The following TSEN2 variants were observed in gnomAD, a reference collection of about 807,000 sequenced individuals.
The protein encoded by TSEN2 is tRNA-splicing endonuclease subunit Sen2.
Under a neutral mutation model 59.2 loss-of-function variants are expected in TSEN2, and 54 were observed. The observed-to-expected ratio is 0.91, with a 90% confidence interval of 0.73 to 1.14. The LOEUF is 1.14. TSEN2 is among the 50% of genes most tolerant of loss of function. The pLI is 0.00. For synonymous variants in TSEN2, 195 were observed against 198.2 expected (o/e 0.98, Z 0.14); for missense variants, 636 against 576.2 (o/e 1.10, Z -1.06).
intron 6 of TSEN2, among the ~76,000 whole-genome samples, chr3:12,512,350 A>G (rs1284394044): frequency 6.6e-6 from 1 of 152,250 alleles, no homozygotes; most frequent in Non-Finnish European, 1.5e-5. Context: ...TAGCACTCAC[A>G]TGAAAAAACA....
Position 12,492,180 on chromosome 3 carries a change from C to G in TSEN2, c.234C>G (p.Phe78Leu), listed in dbSNP as rs771345194. 3 of 1,614,046 alleles carry G rather than the reference C, an allele frequency of 1.9e-6. No individual in the cohort carries two copies. The highest frequency in any genetic ancestry group is 2.5e-6 in the Non-Finnish European group (3 of 1,180,024). ...TTCTTTCAAGAAGCCGTCCAAGCTT[C>G]ACAATTTCAGATCCTAAACTGGTTG... ...KGILSRSRPS[F>L]TISDPKLVAK... is the part of the protein sequence containing the mutation. Residue 78 changes from phenylalanine (F) to leucine (L), a missense_variant, in exon 3 of 12, where the codon TTC becomes TTG. Coordinates refer to ENST00000284995, the MANE Select transcript of TSEN2 (RefSeq NM_025265.4).
chr3:12,511,295 CAT>C (rs1194435399), intron 6 of TSEN2: 4 of 151,790 alleles, frequency 2.6e-5, no homozygotes, highest in Non-Finnish European at 5.9e-5. Context: ...GTTAATAAAA[CAT>C]AAAGTAACAA....
At position 12,489,775 on chromosome 3, in the gene TSEN2, T is replaced by C. The variant is rs1484766149; in HGVS notation, c.-17-9T>C. The C allele has an allele frequency of 1.2e-6, 2 of 1,608,754 alleles. No individual in the cohort carries two copies. The highest frequency in any genetic ancestry group is 1.3e-5 in the African/African-American group (1 of 74,958). ...CTGTTTCTTTCTGTTTGTTGTCTAC[T>C]CTTTAAAGAATACCTCCTCTGAAAA... On this transcript the variant is annotated splice_polypyrimidine_tract_variant and intron_variant, in intron 1 of 11. Transcript: ENST00000284995.
In TSEN2 at chr3:12,523,281, C is replaced by T. The variant is rs138496219; in HGVS notation, c.1099+4084C>T. On this transcript the variant is annotated intron_variant, in intron 8 of 11. Coordinates refer to ENST00000284995, the MANE Select transcript of TSEN2 (RefSeq NM_025265.4). The stretch of plus-strand genomic sequence containing the variant: ...CCAGCCAACCCTAGTTAGGGATTTG[C>T]ATTGACTGATAAGTATGATTTCTGA... Among the ~76,000 whole-genome samples, 53 of 152,266 alleles carry T rather than the reference C, an allele frequency of 3.5e-4. No individual in the cohort carries two copies. In the East Asian group the frequency reaches 5.4e-3, roughly 16 times the overall value.
In TSEN2 at chr3:12,519,108, C is replaced by G. The variant is rs1405881218; in HGVS notation, c.1010C>G (p.Pro337Arg). 1.2e-6 allele frequency: 2 copies of G among 1,614,136 alleles called. No individual in the cohort carries two copies. The highest frequency in any genetic ancestry group is 1.3e-5 in the African/African-American group (1 of 75,018). Reference protein sequence around the residue: ...KLWKAFTVVQPTFRTTYMAYH... With the variant: ...KLWKAFTVVQRTFRTTYMAYH... ...TGGAAAGCTTTCACTGTAGTTCAGC[C>G]CACGTTCAGAACCACCTACATGGCC... The change falls in exon 8 of 12, where the codon CCC (proline) becomes CGC (arginine). Residue 337 changes from proline (P) to arginine (R), a missense_variant. By Grantham distance (103) the Pro-to-Arg change is moderately radical. Coordinates refer to ENST00000284995, the MANE Select transcript of TSEN2 (RefSeq NM_025265.4).
chr3:12,492,212 G>A lies in TSEN2; in HGVS notation c.266G>A (p.Trp89Ter). The A allele has an allele frequency of 1.9e-6, 3 of 1,613,200 alleles. No homozygotes were observed. The African/African-American group carries it at 4.0e-5, about 22-fold the overall frequency. ...TCAGATCCTAAACTGGTTGCTAAAT[G>A]GAAAGGTAAAGTTGTTGTATCATTC... ...TISDPKLVAK[W>*]KDMKTNMPII... is the part of the protein sequence containing the mutation. The change falls in exon 3 of 12, where the codon TGG becomes TAG. Residue 89 changes from tryptophan (W) to a stop codon, truncating the protein, a stop_gained. Transcript: ENST00000284995. LOFTEE classifies it high-confidence loss of function.
rs1257911487 is a variant in TSEN2 at position 12,533,008 on chromosome 3, C to G, written c.*287C>G. ...TCATCCACTCACTGGGGAGATTGGA[C>G]TAGAGGAGTCCTGAGAGGACACTTC... is the stretch of plus-strand genomic sequence containing the variant. On this transcript the variant is annotated 3_prime_UTR_variant, in exon 12 of 12. Coordinates refer to ENST00000284995, the MANE Select transcript of TSEN2 (RefSeq NM_025265.4). 5 of 522,780 alleles carry G rather than the reference C, an allele frequency of 9.6e-6. No homozygotes were observed. The highest frequency in any genetic ancestry group is 9.6e-5 in the African/African-American group (5 of 52,314). The allele number at this position is 522,780 out of a possible 1,614,324, so 32.4% of individuals were successfully genotyped here.
intron 3 of TSEN2, among the ~76,000 whole-genome samples, chr3:12,493,812 G>A (rs1575242684): frequency 6.6e-6 from 1 of 152,116 alleles, no homozygotes; most frequent in East Asian, 1.9e-4. Flanking sequence ...GTATTAAATG[G>A]TAAAAGTTTT....
intron 3 of TSEN2, among the ~76,000 whole-genome samples, chr3:12,493,396 G>T (rs1320710037): frequency 6.6e-6 from 1 of 152,078 alleles, no homozygotes; most frequent in Non-Finnish European, 1.5e-5. Flanking sequence ...TGCACCAAAG[G>T]TTCCAATTTC....
chr3:12,492,288 A>C, intron 3 of TSEN2, 71 bp downstream of exon 3: 1 of 1,330,630 alleles, frequency 7.5e-7, no homozygotes, highest in Non-Finnish European at 1.1e-6. Context: ...CTTATATCTC[A>C]GGCTATATAG....
chr3:12,532,624 C>T (rs2057534760), intron 11 of TSEN2, 38 bp from the exon 12 acceptor site: 3 of 1,610,324 alleles, frequency 1.9e-6, no homozygotes, highest in Non-Finnish European at 2.5e-6. Context: ...TCTTACATTT[C>T]TGTTTTAAGA....
upstream of TSEN2, among the ~76,000 whole-genome samples, chr3:12,483,000 C>A (rs2052240531): frequency 6.6e-6 from 1 of 152,204 alleles, no homozygotes; most frequent in Non-Finnish European, 1.5e-5. Context: ...CCTAGCCTAG[C>A]AGTGAAGGTC....
intron 3 of TSEN2, 73 bp downstream of exon 3, chr3:12,492,290 G>A (rs766927778): frequency 8.9e-5 from 118 of 1,327,960 alleles, no homozygotes; most frequent in Non-Finnish European, 1.2e-4. Flanking sequence ...TATATCTCAG[G>A]CTATATAGTA....
upstream of TSEN2, among the ~76,000 whole-genome samples, chr3:12,480,969 T>C (rs1054564240): frequency 9.2e-5 from 14 of 152,300 alleles, no homozygotes; most frequent in African/African-American, 3.4e-4. Context: ...GCGGTAACCT[T>C]GGCTGCAGAA....
chr3:12,495,176 A>C (rs2053628167), intron 3 of TSEN2, among the ~76,000 whole-genome samples: 1 of 149,294 alleles, frequency 6.7e-6, no homozygotes, highest in Admixed American at 6.7e-5. Flanking sequence ...GATTTTTTTA[A>C]ACATAGAAAT....
intron 3 of TSEN2, among the ~76,000 whole-genome samples, chr3:12,493,002 A>T (rs771285175): frequency 1.1e-4 from 17 of 152,182 alleles, no homozygotes; most frequent in Non-Finnish European, 1.5e-4. Flanking sequence ...CCTATTATAG[A>T]TATTTCATAT....
At position 12,529,821 on chromosome 3, in the gene TSEN2, T is replaced by C. The variant is rs2057345317; in HGVS notation, c.1196T>C (p.Leu399Pro). Reference sequence around the variant, plus strand: ...TTTGAAGGCTCTCTCCGCAGGCCTCTCAGTTGGAAGTCCCTGGCTGCCTTG... The same window carrying C: ...TTTGAAGGCTCTCTCCGCAGGCCTCCCAGTTGGAAGTCCCTGGCTGCCTTG... Reference protein sequence around the residue: ...DHFEGSLRRPLSWKSLAALSR... With the variant: ...DHFEGSLRRPPSWKSLAALSR... Residue 399 changes from leucine (L) to proline (P), a missense_variant, in exon 10 of 12, where the codon CTC (leucine) becomes CCC (proline). Transcript: ENST00000284995. 6.2e-7 allele frequency: 1 copy of C among 1,614,208 alleles called. No homozygotes were observed. Among genetic ancestry groups the C allele is most frequent in the Non-Finnish European group, 8.5e-7 (1 of 1,180,032 alleles).
chr3:12,509,555 A>G (rs2055211589), intron 6 of TSEN2, among the ~76,000 whole-genome samples: 1 of 152,098 alleles, frequency 6.6e-6, no homozygotes, highest in Admixed American at 6.6e-5. Flanking sequence ...CCCAAGTTCA[A>G]AGTAGATGTG....
Position 12,496,501 on chromosome 3 carries a change from G to T in TSEN2, c.272-17G>T, listed in dbSNP as rs1341548350. 6.2e-7 allele frequency: 1 copy of T among 1,613,860 alleles called. No homozygotes were observed. Among genetic ancestry groups the T allele is most frequent in the South Asian group, 1.1e-5 (1 of 91,070 alleles). ...ATGGGAAATTTGCCTGAAACTAATA[G>T]AACTTCTTTGTTCCAGATATGAAGA... On this transcript the variant is annotated splice_polypyrimidine_tract_variant and intron_variant, in intron 3 of 11. Transcript: ENST00000284995.
Sources: gnomAD v4.1 joint callset for allele counts (sites outside exome capture counted in the v4.1 genomes callset) on GRCh38, gnomAD v4.1.1 for gene constraint, MANE v1.5 for transcripts, NCBI Gene and HGNC (gene_info 2026-07-23, HGNC 2026-07-21) for gene names.